The following RALGPS1 variants were observed in gnomAD, a reference collection of about 807,000 sequenced individuals.
The protein encoded by RALGPS1 is Ral GEF with PH domain and SH3 binding motif 1.
A neutral mutation model predicts 78.8 loss-of-function variants in RALGPS1; 19 were observed. The ratio of observed to expected loss-of-function variants is 0.24; its 90% CI spans 0.17 to 0.35. The LOEUF (loss-of-function observed/expected upper bound fraction) is 0.35, where lower values mean the gene tolerates loss of function less well. Among genes scored for constraint, RALGPS1 ranks in the 10% least tolerant of loss-of-function variants. The pLI, the probability that RALGPS1 is intolerant of heterozygous loss-of-function variation, is 1.00. For synonymous variants in RALGPS1, 228 were observed against 256.3 expected, an observed-to-expected ratio of 0.89 and a Z score of 1.06; for missense variants, 454 against 688.3, an observed-to-expected ratio of 0.66 and a Z score of 3.81.
intron 8 of RALGPS1, chr9:127,093,611 G>A (rs980707014): frequency 6.5e-6 from 8 of 1,228,938 alleles, no homozygotes; most frequent in South Asian, 4.3e-5. Flanking sequence ...TGTTGGGGCC[G>A]CACAGGCCTG....
chr9:126,988,455 A>G (rs938287630), intron 4 of RALGPS1, among the ~76,000 whole-genome samples: 9 of 152,194 alleles, frequency 5.9e-5, no homozygotes, highest in African/African-American at 2.2e-4. Flanking sequence ...TGCCCAGGCT[A>G]AAGTGCAATG....
intron 8 of RALGPS1, among the ~76,000 whole-genome samples, chr9:127,149,373 CT>C (rs1207305248): frequency 6.6e-6 from 1 of 152,240 alleles, no homozygotes; most frequent in Non-Finnish European, 1.5e-5. Flanking sequence ...ACACCAGGAT[CT>C]TACTAAAGGA....
At chr9:126,964,610 C>T (rs532696618) in intron 2 of RALGPS1, among the ~76,000 whole-genome samples, 1 of 109,466 alleles carries the variant, frequency 9.1e-6, no homozygotes, top group East Asian at 4.5e-4. Context: ...TTTATCCAGG[C>T]CTATCTGACC....
chr9:127,144,658 A>AC (rs1182929069), intron 8 of RALGPS1, among the ~76,000 whole-genome samples: 1 of 152,276 alleles, frequency 6.6e-6, no homozygotes, highest in East Asian at 1.9e-4. Flanking sequence ...ACAGTGGAAT[A>AC]CCATTCAGCC....
intron 3 of RALGPS1, 62 bp from the exon 4 acceptor site, chr9:126,977,633 A>G (rs2040799090): frequency 8.3e-7 from 1 of 1,211,086 alleles, no homozygotes; most frequent in Non-Finnish European, 1.2e-6. Context: ...CTCTGTATAA[A>G]GTAACATGAC....
chr9:127,035,593 G>T (rs894386864), intron 5 of RALGPS1, among the ~76,000 whole-genome samples: 1 of 152,088 alleles, frequency 6.6e-6, no homozygotes, highest in African/African-American at 2.4e-5. Context: ...CTCCAGCTGG[G>T]CCTTCTCTCT....
At chr9:127,214,720 C>G in intron 17 of RALGPS1, 31 bp from the exon 18 acceptor site, 1 of 1,594,276 alleles carries the variant, frequency 6.3e-7, no homozygotes, top group Non-Finnish European at 8.5e-7. Context: ...ACGTGGCCCT[C>G]TTCTTAACTC....
At chr9:127,202,221 G>A (rs998813219) in intron 14 of RALGPS1, among the ~76,000 whole-genome samples, 8 of 152,170 alleles carry the variant, frequency 5.3e-5, no homozygotes, top group African/African-American at 1.7e-4. Context: ...GTGGGTTGAG[G>A]GCACACCTTC....
chr9:127,098,718 C>T (rs1376095915), intron 8 of RALGPS1, among the ~76,000 whole-genome samples: 2 of 152,136 alleles, frequency 1.3e-5, no homozygotes, highest in South Asian at 4.1e-4. Context: ...AGGACCATGG[C>T]CTCCCAGGAA....
rs1353176912 is a variant in RALGPS1 at position 127,174,776 on chromosome 9, C to T, written c.904C>T (p.Leu302Phe). The T allele has an allele frequency of 6.2e-7, 1 of 1,613,900 alleles. No homozygotes were observed. The highest frequency in any genetic ancestry group is 1.3e-5 in the African/African-American group (1 of 74,938). ...AAGACTAGTCTCTTCCAAGGAAGAT[C>T]TTGCAGGTATCGTAGCTACCTCGAG... ...SPRLVSSKED[L>F]AGPSAGSGSA... Residue 302 changes from leucine to phenylalanine, a missense_variant, in exon 11 of 19, where the codon CTT (leucine) becomes TTT (phenylalanine). By Grantham distance (22) the Leu-to-Phe change is conservative (BLOSUM62 0). Coordinates refer to ENST00000259351, the MANE Select transcript of RALGPS1 (RefSeq NM_014636.3).
At chr9:127,069,764 T>G (rs1313008624) in intron 8 of RALGPS1, 1 of 153,758 alleles carries the variant, frequency 6.5e-6, no homozygotes, top group African/African-American at 2.4e-5. Flanking sequence ...GTAATGTTTA[T>G]TTTTCTGGTT....
At chr9:127,159,680 C>T (rs539845790) in intron 8 of RALGPS1, among the ~76,000 whole-genome samples, 5 of 152,152 alleles carry the variant, frequency 3.3e-5, no homozygotes, top group Admixed American at 6.5e-5. Flanking sequence ...GAGCCTGGGC[C>T]GCCTGCTGAG....
At chr9:127,185,752 T>C (rs553168332) in intron 11 of RALGPS1, among the ~76,000 whole-genome samples, 4 of 152,174 alleles carry the variant, frequency 2.6e-5, no homozygotes, top group African/African-American at 9.7e-5. Flanking sequence ...ACCTGGCTAC[T>C]TCTCTCTCCC....
chr9:127,091,297 G>A lies in RALGPS1; in HGVS notation c.610+21941G>A, dbSNP rs1406920330. 6.6e-6 allele frequency among the ~76,000 whole-genome samples: 1 copy of A among 152,232 alleles called. No homozygotes were observed. The highest frequency in any genetic ancestry group is 1.5e-5 in the Non-Finnish European group (1 of 68,042). On this transcript the variant is annotated intron_variant, in intron 8 of 18. Transcript: ENST00000259351. The surrounding 1 kb of genome is among the most constrained non-coding windows in gnomAD (Gnocchi z 4.3). ...GCCAGCACTGGAGCCCAGGTGTGTG[G>A]CCCAGAGCCTACGCAGTTGGTTAGC...
Position 127,195,752 on chromosome 9 carries a change from CCCTTCCTT to C in RALGPS1, c.1037+550_1037+557del, listed in dbSNP as rs201544370. ...GGCACAGGCTTCCGAACAGATGAGT[CCCTTCCTT>C]CCTTCCTTCCTTCCCTCCCTTCCTT... On this transcript the variant is annotated intron_variant, in intron 12 of 18. Transcript: ENST00000259351. Among the ~76,000 whole-genome samples, 4 of 151,608 alleles carry C rather than the reference CCCTTCCTT, an allele frequency of 2.6e-5. No individual in the cohort carries two copies. The South Asian group carries it at 6.2e-4, about 24-fold the overall frequency.
In RALGPS1 at chr9:126,957,104, AT is replaced by A. The variant is rs373235872; in HGVS notation, c.-65-5120del. ...GTTGTGACGATTAAATGAGCTAATC[AT>A]GTGATGCTTAGCCGGGTGCCTTGCA... On this transcript the variant is annotated intron_variant, in intron 1 of 18. Coordinates refer to ENST00000259351, the MANE Select transcript of RALGPS1 (RefSeq NM_014636.3). Among the ~76,000 whole-genome samples the A allele has an allele frequency of 7.9e-5, 12 of 152,332 alleles. No individual in the cohort carries two copies. The East Asian group carries it at 1.5e-3, about 20-fold the overall frequency.
chr9:127,218,875 A>T lies in RALGPS1; in HGVS notation c.*106A>T. On this transcript the variant is annotated 3_prime_UTR_variant, in exon 19 of 19. Coordinates refer to ENST00000259351, the MANE Select transcript of RALGPS1 (RefSeq NM_014636.3). This position sits in a 1 kb window ranked among gnomAD's most constrained non-coding sequence, Gnocchi z 4.4. Reference sequence around the variant, plus strand: ...AGGCTGTGAGCCAGGGTGCTGGGAAACTCACAGCTGGACTCAGGGGACACG... The same window carrying T: ...AGGCTGTGAGCCAGGGTGCTGGGAATCTCACAGCTGGACTCAGGGGACACG... The T allele has an allele frequency of 1.5e-6, 2 of 1,321,736 alleles. No homozygotes were observed. Among genetic ancestry groups the T allele is most frequent in the Non-Finnish European group, 2.2e-6 (2 of 916,342 alleles). 81.9% of individuals were successfully genotyped at this position (1,321,736 alleles called of 1,614,324 possible).
At chr9:127,098,451 G>A (rs1292620889) in intron 8 of RALGPS1, among the ~76,000 whole-genome samples, 1 of 152,190 alleles carries the variant, frequency 6.6e-6, no homozygotes, top group African/African-American at 2.4e-5. Flanking sequence ...GTGGCCAAAT[G>A]TTCCACGTGA....
chr9:127,177,438 C>T (rs552263619), intron 11 of RALGPS1, among the ~76,000 whole-genome samples: 8 of 152,336 alleles, frequency 5.3e-5, no homozygotes, highest in East Asian at 1.9e-4. Flanking sequence ...AGGGCGATGG[C>T]GACAGAGGCT....
Sources: allele counts gnomAD v4.1 joint callset (sites outside exome capture counted in the v4.1 genomes callset), GRCh38; gene constraint gnomAD v4.1.1; non-coding constraint Gnocchi (gnomAD v3.1); transcripts MANE v1.5; gene names NCBI Gene and HGNC (gene_info 2026-07-23, HGNC 2026-07-21).